The following SBNO2 variants were observed in gnomAD, a reference collection of about 807,000 sequenced individuals.
The protein encoded by SBNO2 is protein strawberry notch homolog 2.
Under a neutral mutation model 146.3 loss-of-function variants are expected in SBNO2, and 89 were observed. That is an observed-to-expected ratio of 0.61 (90% confidence interval 0.51 to 0.73). SBNO2 has a LOEUF of 0.73. Ranked by LOEUF, SBNO2 falls within the 30% of genes least tolerant of loss-of-function variation. The probability of loss-of-function intolerance (pLI) is 0.00; values close to 1 mark genes in which losing one functional copy is unlikely to be tolerated. For synonymous variants in SBNO2, 1,147 were observed against 892.6 expected, an observed-to-expected ratio of 1.29 and a Z score of -5.08; for missense variants, 2,092 against 2,003.7, an observed-to-expected ratio of 1.04 and a Z score of -0.84.
chr19:1,111,843 T>TC (rs1157349237), intron 23 of SBNO2, among the ~76,000 whole-genome samples, 153 bp downstream of exon 23: 2 of 145,134 alleles, frequency 1.4e-5, no homozygotes, highest in South Asian at 4.5e-4. Context: ...GAAGCCCCCT[T>TC]CCCCCCTGGG....
intron 1 of SBNO2, among the ~76,000 whole-genome samples, chr19:1,163,322 C>A (rs755332572): frequency 2.0e-5 from 3 of 152,194 alleles, no homozygotes; most frequent in African/African-American, 7.2e-5. Context: ...TGGAGTGACG[C>A]GGCCGCAGAC....
At chr19:1,147,211 C>T in intron 4 of SBNO2, 98 bp downstream of exon 4, 1 of 799,418 alleles carries the variant, frequency 1.3e-6, no homozygotes, top group Non-Finnish European at 2.0e-6. Flanking sequence ...TCACTGAGTC[C>T]CAGGCAGGCC....
chr19:1,154,790 A>G (rs982162811), intron 1 of SBNO2, among the ~76,000 whole-genome samples: 2 of 151,984 alleles, frequency 1.3e-5, no homozygotes, highest in African/African-American at 2.4e-5. Flanking sequence ...GGAGAGTCCA[A>G]CCCGGGCCCG....
intron 4 of SBNO2, 73 bp downstream of exon 4, chr19:1,147,235 TC>T: frequency 9.8e-7 from 1 of 1,018,782 alleles, no homozygotes; most frequent in Non-Finnish European, 1.5e-6. Context: ...GCGAGAGAGG[TC>T]GCAGGGCAGC....
rs2079750570 is a variant in SBNO2, at chr19:1,110,925, G to C, written c.2885-37C>G. 6.2e-7 allele frequency: 1 copy of C among 1,611,394 alleles called. No homozygotes were observed. Among genetic ancestry groups the C allele is most frequent in the South Asian group, 1.1e-5 (1 of 91,056 alleles). On this transcript the variant is annotated intron_variant, in intron 25 of 31. Coordinates refer to ENST00000361757, the MANE Select transcript of SBNO2 (RefSeq NM_014963.3). This position sits in a 1 kb window ranked among gnomAD's most constrained non-coding sequence, Gnocchi z 4.9. ...GGGAGCCAAGCCTCAGGCTGCGCTG[G>C]GAATCCCTCTCCCTGCTTTGCTCAC... is the stretch of plus-strand genomic sequence containing the variant.
chr19:1,147,436 G>A lies in SBNO2; in HGVS notation c.168-16C>T, dbSNP rs780661647. On this transcript the variant is annotated splice_polypyrimidine_tract_variant and intron_variant, in intron 3 of 31. Coordinates refer to ENST00000361757, the MANE Select transcript of SBNO2 (RefSeq NM_014963.3). Reference sequence around the variant, plus strand: ...CATGAACGGGCTGGAGGGAGATGGGGGGGGGGGAGGTGAGATGGGGTGCTC... The same window carrying A: ...CATGAACGGGCTGGAGGGAGATGGGAGGGGGGGAGGTGAGATGGGGTGCTC... The A allele has an allele frequency of 1.0e-4, 136 of 1,301,144 alleles. 2 individuals are homozygous for A. Among genetic ancestry groups the A allele is most frequent in the Non-Finnish European group, 1.3e-4 (122 of 954,844 alleles). 80.6% of individuals were successfully genotyped at this position (1,301,144 alleles called of 1,614,324 possible).
chr19:1,167,889 C>T (rs537490153), intron 1 of SBNO2, among the ~76,000 whole-genome samples: 8 of 152,296 alleles, frequency 5.3e-5, no homozygotes, highest in East Asian at 3.9e-4. Context: ...TCCGGGGACA[C>T]GCTCCCACTC....
intron 5 of SBNO2, among the ~76,000 whole-genome samples, chr19:1,127,045 G>A (rs2079973583): frequency 6.6e-6 from 1 of 152,164 alleles, no homozygotes; most frequent in Non-Finnish European, 1.5e-5. Flanking sequence ...CCCACCCTGG[G>A]ACAGGATCCA....
Position 1,113,497 on chromosome 19 carries a change from C to T in SBNO2, c.2247+38G>A, listed in dbSNP as rs987030338. ...CGTGAAGCCCCACCCACTGCCCATG[C>T]CCCGCCCACCACACTCCAGCTGCCA... On this transcript the variant is annotated intron_variant, in intron 19 of 31. Transcript: ENST00000361757. 7.1e-6 allele frequency: 11 copies of T among 1,540,122 alleles called. No homozygotes were observed. In the African/African-American group the frequency reaches 9.8e-5, roughly 14 times the overall value.
At chr19:1,169,748 G>A (rs1002639901) in intron 1 of SBNO2, among the ~76,000 whole-genome samples, 5 of 152,166 alleles carry the variant, frequency 3.3e-5, no homozygotes, top group Admixed American at 2.6e-4. Context: ...AGGACAGGGA[G>A]GTCTTACTTT....
chr19:1,112,305 G>T lies in SBNO2; in HGVS notation c.2516-4C>A, dbSNP rs1262662103. ...TGGTTGGACCGGTGGGTGCGGCCTGGGGGCAGAGCTGCTCTCAGGGCCCGG... is the reference window on the plus strand; with the variant it reads ...TGGTTGGACCGGTGGGTGCGGCCTGTGGGCAGAGCTGCTCTCAGGGCCCGG... On this transcript the variant is annotated splice_region_variant and splice_polypyrimidine_tract_variant and intron_variant, in intron 21 of 31. Coordinates refer to ENST00000361757, the MANE Select transcript of SBNO2 (RefSeq NM_014963.3). The surrounding 1 kb of genome is among the most constrained non-coding windows in gnomAD (Gnocchi z 5.9). The T allele has an allele frequency of 1.3e-6, 2 of 1,580,958 alleles. No homozygotes were observed. The highest frequency in any genetic ancestry group is 3.6e-5 in the Admixed American group (2 of 55,540).
At position 1,158,087 on chromosome 19, in the gene SBNO2, G is replaced by A. The variant is rs2080309592; in HGVS notation, c.-126-3685C>T. ...CGGCCGCCTCCCGCCTCTTTCTTCT[G>A]AGCCTGCTGAAGTCCCCGTCTTCCT... On this transcript the variant is annotated intron_variant, in intron 1 of 31. Transcript: ENST00000361757. The surrounding 1 kb of genome is among the most constrained non-coding windows in gnomAD (Gnocchi z 9.9). Among the ~76,000 whole-genome samples the A allele has an allele frequency of 6.6e-6, 1 of 151,718 alleles. No homozygotes were observed.
In SBNO2 at chr19:1,122,562, C is replaced by A; in HGVS notation, c.915-4G>T. ...GAGGTCGTTGGAGACGCTGAACCTGCGGGGTGGGGGCGTCAGGCGCGCCCA... is the reference window on the plus strand; with the variant it reads ...GAGGTCGTTGGAGACGCTGAACCTGAGGGGTGGGGGCGTCAGGCGCGCCCA... On this transcript the variant is annotated splice_region_variant and splice_polypyrimidine_tract_variant and intron_variant, in intron 9 of 31. Coordinates refer to ENST00000361757, the MANE Select transcript of SBNO2 (RefSeq NM_014963.3). The A allele has an allele frequency of 1.3e-6, 2 of 1,534,552 alleles. No individual in the cohort carries two copies. The highest frequency in any genetic ancestry group is 1.8e-6 in the Non-Finnish European group (2 of 1,140,556).
intron 4 of SBNO2, among the ~76,000 whole-genome samples, chr19:1,139,533 A>G (rs573866103): frequency 6.6e-6 from 1 of 152,086 alleles, no homozygotes; most frequent in Non-Finnish European, 1.5e-5. Context: ...GGTGGCTCGC[A>G]CCTGTAATCC....
rs1340325418 is a variant in SBNO2, at chr19:1,109,297, G to A, written c.3343C>T (p.His1115Tyr). ...TGCGCCCGGCGGCCGCCTACCCGGT[G>A]GAACTTGCGGCGGAGGCTGTCCAGG... ...EALDSLRRKF[H>Y]RVTAEEAKEP... The change falls in exon 29 of 32, where the codon CAC becomes TAC. Residue 1115 changes from histidine to tyrosine, a missense_variant. Transcript: ENST00000361757. The surrounding 1 kb of genome is among the most constrained non-coding windows in gnomAD (Gnocchi z 4.2). 3.1e-6 allele frequency: 5 copies of A among 1,594,958 alleles called. No individual in the cohort carries two copies. Among genetic ancestry groups the A allele is most frequent in the Admixed American group, 1.7e-5 (1 of 57,668 alleles).
rs1349675740 is a variant in SBNO2, at chr19:1,157,628, A to T, written c.-126-3226T>A. On this transcript the variant is annotated intron_variant, in intron 1 of 31. Coordinates refer to ENST00000361757, the MANE Select transcript of SBNO2 (RefSeq NM_014963.3). The surrounding 1 kb of genome is among the most constrained non-coding windows in gnomAD (Gnocchi z 6.8). Reference sequence around the variant, plus strand: ...GGGAGGGGGCCCGCGCTTTATCAGCACGCTGACACCCAGAGGGGATGTGGC... The same window carrying T: ...GGGAGGGGGCCCGCGCTTTATCAGCTCGCTGACACCCAGAGGGGATGTGGC... Among the ~76,000 whole-genome samples, 1 of 152,224 alleles carries T rather than the reference A, an allele frequency of 6.6e-6. No individual in the cohort carries two copies. Among genetic ancestry groups the T allele is most frequent in the African/African-American group, 2.4e-5 (1 of 41,458 alleles).
At chr19:1,172,608 G>A (rs530031632) in intron 1 of SBNO2, among the ~76,000 whole-genome samples, 6 of 152,302 alleles carry the variant, frequency 3.9e-5, no homozygotes, top group Non-Finnish European at 8.8e-5. Context: ...AAGCAGTGCC[G>A]GCTGCCCTGG....
At chr19:1,134,325 C>T (rs2080066290) in intron 4 of SBNO2, among the ~76,000 whole-genome samples, 1 of 151,804 alleles carries the variant, frequency 6.6e-6, no homozygotes, top group Admixed American at 6.6e-5. Flanking sequence ...CACGGGTGGA[C>T]CCACAGCTCC....
At chr19:1,124,510 C>T (rs981439052) in intron 5 of SBNO2, among the ~76,000 whole-genome samples, 21 of 145,880 alleles carry the variant, frequency 1.4e-4, no homozygotes, top group African/African-American at 4.2e-4. Flanking sequence ...TGGGGGCGGG[C>T]GGGCCTGGGC....
Sources: gnomAD v4.1 joint callset for allele counts (sites outside exome capture counted in the v4.1 genomes callset) on GRCh38, gnomAD v4.1.1 for gene constraint, Gnocchi (gnomAD v3.1) non-coding constraint, MANE v1.5 for transcripts, NCBI Gene and HGNC (gene_info 2026-07-23, HGNC 2026-07-21) for gene names.